U2SURP: variants seen among roughly 807,000 people sequenced by gnomAD.
The protein encoded by U2SURP is U2 snRNP associated SURP domain containing.
Under a neutral mutation model 144.9 loss-of-function variants are expected in U2SURP, and 9 were observed. The ratio of observed to expected loss-of-function variants is 0.06; its 90% CI spans 0.04 to 0.11. The LOEUF (loss-of-function observed/expected upper bound fraction) is 0.11, where lower values mean the gene tolerates loss of function less well. U2SURP is among the 10% of genes least tolerant of loss of function. The pLI, the probability that U2SURP is intolerant of heterozygous loss-of-function variation, is 1.00. For synonymous variants in U2SURP, 408 were observed against 396.8 expected (o/e 1.03, Z -0.33); for missense variants, 724 against 1,226.7 (o/e 0.59, Z 6.12).
chr3:143,022,277 C>T (rs79941402), intron 10 of U2SURP, among the ~76,000 whole-genome samples: 5,873 of 152,154 alleles, frequency 0.039, 330 homozygotes, highest in African/African-American at 0.13. Flanking sequence ...CTGAACTTCC[C>T]CACCCTGGCA....
chr3:143,005,677 T>C (rs567311149), intron 1 of U2SURP, among the ~76,000 whole-genome samples: 1 of 152,318 alleles, frequency 6.6e-6, no homozygotes, highest in East Asian at 1.9e-4. Context: ...TGAATTGTTT[T>C]CTGAAAGTCC....
At chr3:143,003,206 G>T (rs1316831369) in intron 1 of U2SURP, among the ~76,000 whole-genome samples, 1 of 152,194 alleles carries the variant, frequency 6.6e-6, no homozygotes, top group Non-Finnish European at 1.5e-5. Flanking sequence ...GGATTATCCA[G>T]TAATCTTTTC....
intron 24 of U2SURP, among the ~76,000 whole-genome samples, chr3:143,045,384 AAAAAAG>A (rs1934378893): frequency 6.6e-6 from 1 of 151,292 alleles, no homozygotes; most frequent in Admixed American, 6.6e-5. Context: ...AAAAAAAAAA[AAAAAAG>A]AGCACTCCCT....
At chr3:143,024,055 A>G (rs1381991046) in intron 13 of U2SURP, 37 bp downstream of exon 13, 10 of 1,544,126 alleles carry the variant, frequency 6.5e-6, no homozygotes, top group African/African-American at 1.4e-5. Flanking sequence ...ATCTAAATAT[A>G]GACAATATCC....
chr3:143,055,965 T>G (rs919761044), intron 27 of U2SURP, among the ~76,000 whole-genome samples: 1 of 152,134 alleles, frequency 6.6e-6, no homozygotes, highest in Admixed American at 6.5e-5. Context: ...ATCTTGTAGA[T>G]TAAAGGTTCA....
At position 143,053,671 on chromosome 3, in the gene U2SURP, A is replaced by G. The variant is rs1476607200; in HGVS notation, c.2656-5A>G. The G allele has an allele frequency of 6.0e-6, 8 of 1,335,968 alleles. No individual in the cohort carries two copies. Among genetic ancestry groups the G allele is most frequent in the Admixed American group, 2.4e-5 (1 of 42,528 alleles). The allele number at this position is 1,335,968 out of a possible 1,614,324, so 82.8% of individuals were successfully genotyped here. A position where few individuals can be genotyped will look rare whatever the true frequency, so the allele number is the denominator to read the frequency against. Reference sequence around the variant, plus strand: ...CAACTTAATATTTTCTATAAAAAATAACAGGAGAAAGAGAAAGAGTTAGAA... The same window carrying G: ...CAACTTAATATTTTCTATAAAAAATGACAGGAGAAAGAGAAAGAGTTAGAA... On this transcript the variant is annotated splice_polypyrimidine_tract_variant and splice_region_variant and intron_variant, in intron 25 of 27. Coordinates refer to ENST00000473835, the MANE Select transcript of U2SURP (RefSeq NM_001080415.2).
chr3:143,009,967 A>G (rs984687229), intron 1 of U2SURP, among the ~76,000 whole-genome samples: 3 of 152,368 alleles, frequency 2.0e-5, no homozygotes, highest in African/African-American at 7.2e-5. Context: ...ATAAATAAAA[A>G]CAAGTAAAAT....
chr3:143,049,939 G>A (rs1934765059), intron 24 of U2SURP, among the ~76,000 whole-genome samples: 1 of 152,150 alleles, frequency 6.6e-6, no homozygotes, highest in African/African-American at 2.4e-5. Context: ...TTGTTTGTGT[G>A]GAGGTGTATT....
At position 143,038,136 on chromosome 3, in the gene U2SURP, T is replaced by G. The variant is rs768588346; in HGVS notation, c.2250T>G (p.Asn750Lys). The change falls in exon 22 of 28, where the codon AAT becomes AAG. Residue 750 changes from asparagine to lysine, a missense_variant. Transcript: ENST00000473835. ...PLDATEDSKKNEPIFKVAPSK... is the reference protein window; with the variant it reads ...PLDATEDSKKKEPIFKVAPSK... ...ATGCAACTGAAGACTCAAAAAAGAA[T>G]GAGCCTATATTTAAAGTTGCCCCAT... 1 of 1,607,378 alleles carries G rather than the reference T, an allele frequency of 6.2e-7. No individual in the cohort carries two copies. Among genetic ancestry groups the G allele is most frequent in the East Asian group, 2.2e-5 (1 of 44,670 alleles).
chr3:143,019,175 C>G (rs1001459328), intron 6 of U2SURP, among the ~76,000 whole-genome samples: 1 of 152,014 alleles, frequency 6.6e-6, no homozygotes, highest in African/African-American at 2.4e-5. Flanking sequence ...TTTACATCTT[C>G]TTGAGTCAAG....
rs746967791 is a variant in U2SURP, at chr3:143,038,942, A to G, written c.2366A>G (p.Glu789Gly). 6 of 1,537,524 alleles carry G rather than the reference A, an allele frequency of 3.9e-6. No homozygotes were observed. The Admixed American group carries it at 1.3e-4, about 33-fold the overall frequency. The change falls in exon 23 of 28, where the codon GAA becomes GGA. Residue 789 changes from glutamate (E) to glycine (G), a missense_variant. Coordinates refer to ENST00000473835, the MANE Select transcript of U2SURP (RefSeq NM_001080415.2). ...WELFDQHEES[E>G]EEENQNQEEE... is the part of the protein sequence containing the mutation. ...TTATTTGACCAGCATGAAGAATCAG[A>G]AGAAGAAGAAAATCAAAAGTAAGAA...
chr3:143,044,597 A>G (rs2108307625), intron 24 of U2SURP, among the ~76,000 whole-genome samples: 1 of 152,292 alleles, frequency 6.6e-6, no homozygotes, highest in East Asian at 1.9e-4. Flanking sequence ...GGGATGAAAT[A>G]TTCCCAGTAA....
At chr3:143,051,759 C>T (rs897696091) in intron 25 of U2SURP, among the ~76,000 whole-genome samples, 13 of 152,104 alleles carry the variant, frequency 8.5e-5, no homozygotes, top group Non-Finnish European at 1.5e-4. Context: ...TGGTGCTGCT[C>T]AGACCTGTGG....
intron 21 of U2SURP, 59 bp downstream of exon 21, chr3:143,037,394 A>G: frequency 1.4e-6 from 2 of 1,478,070 alleles, no homozygotes; most frequent in East Asian, 2.3e-5. Flanking sequence ...CCAAAACTCT[A>G]ATTTCCATAC....
Position 143,001,601 on chromosome 3 carries a change from C to G in U2SURP, c.-28C>G, listed in dbSNP as rs111340020. The G allele has an allele frequency of 3.2e-3, 5,231 of 1,613,482 alleles. 147 individuals carry two copies. In the African/African-American group the frequency reaches 0.062, roughly 19 times the overall value. ...GTGCTCGACTCGCCCGTGCTGCTGCCGCCGCCGAAGGAGGGGCAAAGCTCA... is the reference window on the plus strand; with the variant it reads ...GTGCTCGACTCGCCCGTGCTGCTGCGGCCGCCGAAGGAGGGGCAAAGCTCA... On this transcript the variant is annotated 5_prime_UTR_variant, in exon 1 of 28. Coordinates refer to ENST00000473835, the MANE Select transcript of U2SURP (RefSeq NM_001080415.2).
chr3:143,026,001 G>T (rs905870278), intron 13 of U2SURP: 1 of 152,114 alleles, frequency 6.6e-6, no homozygotes, highest in Non-Finnish European at 1.5e-5. Context: ...AATTTGAGCT[G>T]GGAATGCTAA....
In U2SURP at chr3:143,038,005, C is replaced by T. The variant is rs954457507; in HGVS notation, c.2222-103C>T. ...GTATTACTATTTGTCCATCTGTGTC[C>T]TTATTTTACTTTGCTTTTTAATAAT... On this transcript the variant is annotated intron_variant, in intron 21 of 27. Coordinates refer to ENST00000473835, the MANE Select transcript of U2SURP (RefSeq NM_001080415.2). 4.9e-5 allele frequency: 35 copies of T among 718,602 alleles called. No homozygotes were observed. The African/African-American group carries it at 5.9e-4, about 12-fold the overall frequency. 44.5% of individuals were successfully genotyped at this position (718,602 alleles called of 1,614,324 possible). A position where few individuals can be genotyped will look rare whatever the true frequency, so the allele number is the denominator to read the frequency against.
At position 143,032,799 on chromosome 3, in the gene U2SURP, G is replaced by A. The variant is rs926049590; in HGVS notation, c.1626G>A (p.Leu542=). 3 of 1,612,252 alleles carry A rather than the reference G, an allele frequency of 1.9e-6. No homozygotes were observed. In the African/African-American group the frequency reaches 4.0e-5, roughly 22 times the overall value. ...GALKEEQRDK[L]EEILRGLTPR... is the part of the protein sequence containing the mutation. ...TTATGTTCAGACAGAGGGATAAATT[G>A]GAAGAAATCTTGCGGGGATTAACTC... Residue 542 remains leucine (L), a synonymous_variant, in exon 17 of 28, where the codon TTG becomes TTA. Transcript: ENST00000473835.
chr3:143,008,477 C>T (rs2108268834), intron 1 of U2SURP, among the ~76,000 whole-genome samples: 1 of 150,278 alleles, frequency 6.7e-6, no homozygotes, highest in South Asian at 2.1e-4. Flanking sequence ...CAAATATTTC[C>T]CTTTGGAATT....
Sources: allele counts gnomAD v4.1 joint callset (sites outside exome capture counted in the v4.1 genomes callset), GRCh38; gene constraint gnomAD v4.1.1; transcripts MANE v1.5; gene names NCBI Gene and HGNC (gene_info 2026-07-23, HGNC 2026-07-21).